Variants in PRICKLE2 observed in about 807,000 individuals in gnomAD.
PRICKLE2 encodes prickle planar cell polarity protein 2, also known as prickle-like protein 2.
PRICKLE2 carries 21 observed loss-of-function variants against 81.4 expected under a neutral mutation model. That is an observed-to-expected ratio of 0.26 (90% CI 0.18 to 0.37). The LOEUF (loss-of-function observed/expected upper bound fraction) is 0.37, where lower values mean the gene tolerates loss of function less well. Ranked by LOEUF, PRICKLE2 falls within the 10% of genes least tolerant of loss-of-function variation. The pLI is 1.00. For missense variants in PRICKLE2, 940 were observed against 1,109.0 expected (o/e 0.85, Z 2.16); for synonymous variants, 456 against 421.5 (o/e 1.08, Z -1.00).
chr3:64,136,293 G>A (rs1267276202), intron 7 of PRICKLE2, among the ~76,000 whole-genome samples: 1 of 151,840 alleles, frequency 6.6e-6, no homozygotes, highest in African/African-American at 2.4e-5. Context: ...TCACCCATAT[G>A]TAAGACGAAG....
intron 2 of PRICKLE2, among the ~76,000 whole-genome samples, chr3:64,251,423 T>A (rs188648006): frequency 6.6e-6 from 1 of 152,150 alleles, no homozygotes; most frequent in South Asian, 2.1e-4. Context: ...TCCTTACTGG[T>A]TCTTTGTCAG....
At chr3:64,158,840 C>G (rs1265637915) in intron 4 of PRICKLE2, among the ~76,000 whole-genome samples, 1 of 152,120 alleles carries the variant, frequency 6.6e-6, no homozygotes, top group Non-Finnish European at 1.5e-5. Flanking sequence ...CTCACTCTAC[C>G]CCTCTGAAAT....
At chr3:64,178,866 T>C (rs140306324) in intron 2 of PRICKLE2, among the ~76,000 whole-genome samples, 1 of 152,212 alleles carries the variant, frequency 6.6e-6, no homozygotes, top group Non-Finnish European at 1.5e-5. Flanking sequence ...ATATGTATTG[T>C]TGATTCATTA....
rs145710215 is a variant in PRICKLE2, at chr3:64,142,230, T to C, written c.1660+4600A>G. On this transcript the variant is annotated intron_variant, in intron 7 of 7. Transcript: ENST00000638394. ...ACCATAGAAACGCACACAAAATGAC[T>C]TTCTTTAATTCCCTGTTTTTCATGG... Among the ~76,000 whole-genome samples the C allele has an allele frequency of 4.6e-5, 7 of 152,186 alleles. No individual in the cohort carries two copies. The East Asian group carries it at 9.6e-4, about 21-fold the overall frequency.
At chr3:64,129,874 C>T (rs146809554) in intron 7 of PRICKLE2, among the ~76,000 whole-genome samples, 11 of 152,208 alleles carry the variant, frequency 7.2e-5, no homozygotes, top group African/African-American at 2.6e-4. Flanking sequence ...GTCAGTGGAC[C>T]CAGCTCATTT....
At chr3:64,165,987 TGTGTGTGTGTGTGTGTGTGTG>T (rs2077824655) in intron 2 of PRICKLE2, among the ~76,000 whole-genome samples, 1 of 146,930 alleles carries the variant, frequency 6.8e-6, no homozygotes. Flanking sequence ...TGTGTGTGTG[TGTGTGTGTGTGTGTGTGTGTG>T]TGTGTGTTTT....
intron 2 of PRICKLE2, among the ~76,000 whole-genome samples, chr3:64,257,017 T>A (rs1478957426): frequency 1.3e-5 from 2 of 152,340 alleles, no homozygotes; most frequent in South Asian, 4.1e-4. Context: ...TTGACATGTA[T>A]AAGTTGCCAA....
upstream of PRICKLE2, among the ~76,000 whole-genome samples, chr3:64,226,330 G>A (rs1284797138): frequency 6.6e-6 from 1 of 152,132 alleles, no homozygotes; most frequent in Non-Finnish European, 1.5e-5. Flanking sequence ...GCCTAACCAA[G>A]CAATCTGGAA....
At chr3:64,243,134 A>G (rs1279974622) in intron 2 of PRICKLE2, among the ~76,000 whole-genome samples, 2 of 152,220 alleles carry the variant, frequency 1.3e-5, no homozygotes, top group Non-Finnish European at 2.9e-5. Context: ...AAAAACTCTA[A>G]AAACAGGAAT....
intron 2 of PRICKLE2, among the ~76,000 whole-genome samples, chr3:64,244,603 G>GGTGTGTGTGT (rs71680837): frequency 2.0e-3 from 180 of 91,686 alleles, no homozygotes; most frequent in African/African-American, 4.8e-3. Flanking sequence ...GTGAATGACT[G>GGTGTGTGTGT]GTGTGTGTGT....
intron 1 of PRICKLE2, among the ~76,000 whole-genome samples, chr3:64,207,992 G>T (rs1263127011): frequency 6.6e-6 from 1 of 152,158 alleles, no homozygotes; most frequent in Non-Finnish European, 1.5e-5. Flanking sequence ...TTTTCCCTGA[G>T]TTTCCAATGA....
At chr3:64,238,495 AAAAAAGAAAAAAGAAAAGAAAAG>A (rs1410307175) in intron 2 of PRICKLE2, among the ~76,000 whole-genome samples, 5 of 151,780 alleles carry the variant, frequency 3.3e-5, no homozygotes, top group African/African-American at 9.7e-5. Flanking sequence ...CAAAAAAAAA[AAAAAAGAAAAAAGAAAAGAAAAG>A]AAAAGAAAAA....
chr3:64,145,757 C>T (rs2077440129), intron 7 of PRICKLE2: 2 of 152,018 alleles, frequency 1.3e-5, no homozygotes, highest in Admixed American at 6.6e-5. Flanking sequence ...CCAGGCAGCA[C>T]CACGCTGGGG....
intron 2 of PRICKLE2, among the ~76,000 whole-genome samples, chr3:64,248,198 C>T (rs1030490000): frequency 1.3e-5 from 2 of 152,176 alleles, no homozygotes; most frequent in Admixed American, 6.5e-5. Context: ...GAGTCATTCT[C>T]ACTAACTTCT....
intron 7 of PRICKLE2, among the ~76,000 whole-genome samples, chr3:64,115,198 A>C (rs2076915513): frequency 6.6e-6 from 1 of 152,228 alleles, no homozygotes; most frequent in South Asian, 2.1e-4. Context: ...CTCCTGAAGG[A>C]AGTACTTAAT....
intron 1 of PRICKLE2, among the ~76,000 whole-genome samples, chr3:64,205,702 A>C (rs2078675077): frequency 6.6e-6 from 1 of 152,242 alleles, no homozygotes; most frequent in African/African-American, 2.4e-5. Flanking sequence ...AACATCATTA[A>C]GCCTGTTTTT....
chr3:64,142,314 T>TTTC (rs1553642610), intron 7 of PRICKLE2, among the ~76,000 whole-genome samples: 5 of 41,810 alleles, frequency 1.2e-4, no homozygotes, highest in East Asian at 1.2e-3. Context: ...TCTTTCTTTC[T>TTTC]TTTTTTTTTT....
At chr3:64,243,405 T>C (rs1194590652) in intron 2 of PRICKLE2, among the ~76,000 whole-genome samples, 1 of 152,290 alleles carries the variant, frequency 6.6e-6, no homozygotes, top group Non-Finnish European at 1.5e-5. Flanking sequence ...TCTCCAGAAA[T>C]TGCCAAATAT....
At chr3:64,243,486 C>T (rs2079299071) in intron 2 of PRICKLE2, among the ~76,000 whole-genome samples, 1 of 152,212 alleles carries the variant, frequency 6.6e-6, no homozygotes, top group Non-Finnish European at 1.5e-5. Context: ...TATCTTGTCA[C>T]ATGCTACTTT....
Sources: allele counts gnomAD v4.1 joint callset (sites outside exome capture counted in the v4.1 genomes callset), GRCh38; gene constraint gnomAD v4.1.1; transcripts MANE v1.5; gene names NCBI Gene and HGNC (gene_info 2026-07-23, HGNC 2026-07-21).